The following LPA variants were observed in gnomAD, a reference collection of about 807,000 sequenced individuals.
LPA encodes the protein lipoprotein(a), also known as apolipoprotein(a).
LPA carries 199 observed loss-of-function variants against 197.9 expected under a neutral mutation model. That is an observed-to-expected ratio of 1.01 (90% CI 0.90 to 1.13). LPA has a LOEUF of 1.13. Among genes scored for constraint, LPA ranks in the 50% most tolerant of loss-of-function variants. The pLI, the probability that LPA is intolerant of heterozygous loss-of-function variation, is 0.00. For synonymous variants in LPA, 715 were observed against 639.5 expected (o/e 1.12, Z -1.78); for missense variants, 1,853 against 1,785.8 (o/e 1.04, Z -0.68).
At chr6:160,579,715 G>A (rs41272120) in intron 26 of LPA, among the ~76,000 whole-genome samples, 8 of 152,242 alleles carry the variant, frequency 5.3e-5, no homozygotes, top group Non-Finnish European at 1.2e-4. Flanking sequence ...AACTTGGAAC[G>A]TATTATGGAG....
chr6:160,543,243 A>C, intron 33 of LPA, among the ~76,000 whole-genome samples: 1 of 152,020 alleles, frequency 6.6e-6, no homozygotes, highest in Non-Finnish European at 1.5e-5. Context: ...ATGTGCCTCT[A>C]TTCTTCTTTT....
At chr6:160,646,692 T>A (rs1462871018) in intron 2 of LPA, among the ~76,000 whole-genome samples, 15 of 136,254 alleles carry the variant, frequency 1.1e-4, no homozygotes, top group Non-Finnish European at 3.1e-5. Context: ...CAGAGTATTC[T>A]CCTTCTGCCT....
At chr6:160,571,248 A>G (rs1055410746) in intron 28 of LPA, among the ~76,000 whole-genome samples, 1 of 152,236 alleles carries the variant, frequency 6.6e-6, no homozygotes, top group African/African-American at 2.4e-5. Flanking sequence ...TAAACTGCTT[A>G]CTGTAGTTAG....
At position 160,557,438 on chromosome 6, in the gene LPA, T is replaced by C; in HGVS notation, c.4765A>G (p.Thr1589Ala). The C allele has an allele frequency of 6.2e-7, 1 of 1,613,926 alleles. No individual in the cohort carries two copies. The highest frequency in any genetic ancestry group is 8.5e-7 in the Non-Finnish European group (1 of 1,179,990). Reference sequence around the variant, plus strand: ...CTTGGAACTGGAACAACAGTGGGAGTCTCTAGGACACCTGATTCTGTTTCT... The same window carrying C: ...CTTGGAACTGGAACAACAGTGGGAGCCTCTAGGACACCTGATTCTGTTTCT... ...CSETESGVLETPTVVPVPSME... is the reference protein window; with the variant it reads ...CSETESGVLEAPTVVPVPSME... The change falls in exon 29 of 39, where the codon ACT becomes GCT. Residue 1589 changes from threonine (T) to alanine (A), a missense_variant. Transcript: ENST00000316300.
Position 160,594,133 on chromosome 6 carries a change from G to A in LPA, c.3470-16C>T, listed in dbSNP as rs779233612. On this transcript the variant is annotated splice_polypyrimidine_tract_variant and intron_variant, in intron 21 of 38. Coordinates refer to ENST00000316300, the MANE Select transcript of LPA (RefSeq NM_005577.4). Reference sequence around the variant, plus strand: ...TCCGTTGGTGCTGAAATTCAAAGAGGAGAAATCAAGCTGAGTAATTTCTAG... The same window carrying A: ...TCCGTTGGTGCTGAAATTCAAAGAGAAGAAATCAAGCTGAGTAATTTCTAG... The A allele has an allele frequency of 2.7e-5, 44 of 1,613,544 alleles. No homozygotes were observed. The highest frequency in any genetic ancestry group is 3.6e-5 in the Non-Finnish European group (43 of 1,179,684).
At chr6:160,652,066 TG>T (rs928956510) in intron 1 of LPA, among the ~76,000 whole-genome samples, 1 of 139,820 alleles carries the variant, frequency 7.2e-6, no homozygotes, top group African/African-American at 2.6e-5. Context: ...GCAATATGAA[TG>T]ATCTAACATT....
chr6:160,572,838 T>C (rs1368675895), intron 28 of LPA, among the ~76,000 whole-genome samples: 1 of 152,218 alleles, frequency 6.6e-6, no homozygotes, highest in African/African-American at 2.4e-5. Context: ...GCTCTTAAGA[T>C]TCTTGCCTTC....
Position 160,590,954 on chromosome 6 carries a change from A to G in LPA, c.3777T>C (p.Val1259=), listed in dbSNP as rs1468741430. ...CCAGAGACTTCTTACCTTGTTCAGA[A>G]ACAGCCGTGGACGTCGCAAGGACAC... ...ESSVLATSTA[V]SEQAPTEQSP... The change falls in exon 23 of 39, where the codon GTT becomes GTC. Residue 1259 remains valine, a synonymous_variant. Coordinates refer to ENST00000316300, the MANE Select transcript of LPA (RefSeq NM_005577.4). The G allele has an allele frequency of 6.2e-7, 1 of 1,613,812 alleles. No homozygotes were observed. The highest frequency in any genetic ancestry group is 1.3e-5 in the African/African-American group (1 of 74,890).
intron 27 of LPA, 104 bp from the exon 28 acceptor site, chr6:160,577,399 C>A: frequency 9.1e-7 from 1 of 1,094,620 alleles, no homozygotes; most frequent in Non-Finnish European, 1.4e-6. Flanking sequence ...AAAATTATTA[C>A]TATTCTTTTT....
intron 16 of LPA, among the ~76,000 whole-genome samples, chr6:160,609,430 TC>T (rs1779432811): frequency 6.6e-6 from 1 of 152,162 alleles, no homozygotes; most frequent in Non-Finnish European, 1.5e-5. Flanking sequence ...AAGACACAGC[TC>T]TTTTTTCTCC....
intron 28 of LPA, among the ~76,000 whole-genome samples, chr6:160,560,519 G>C (rs1254722563): frequency 6.6e-6 from 1 of 152,252 alleles, no homozygotes; most frequent in Non-Finnish European, 1.5e-5. Flanking sequence ...TTGTGGTTTC[G>C]ATTTGCATTT....
At position 160,600,817 on chromosome 6, in the gene LPA, C is replaced by A. The variant is rs150065938; in HGVS notation, c.3127+100G>T. On this transcript the variant is annotated intron_variant, in intron 19 of 38. Coordinates refer to ENST00000316300, the MANE Select transcript of LPA (RefSeq NM_005577.4). ...ACATGGCAGACCCAGAACCAACACACGAGAACCAGTGTAGCACTGAAGGGT... is the reference window on the plus strand; with the variant it reads ...ACATGGCAGACCCAGAACCAACACAAGAGAACCAGTGTAGCACTGAAGGGT... 6.8e-5 allele frequency: 92 copies of A among 1,347,318 alleles called. No individual in the cohort carries two copies. The East Asian group carries it at 2.2e-3, about 32-fold the overall frequency. The allele number at this position is 1,347,318 out of a possible 1,614,324, so 83.5% of individuals were successfully genotyped here. A position where few individuals can be genotyped will look rare whatever the true frequency, so the allele number is the denominator to read the frequency against.
intron 30 of LPA, among the ~76,000 whole-genome samples, chr6:160,551,146 G>A (rs776545703): frequency 3.9e-5 from 6 of 152,300 alleles, no homozygotes; most frequent in Admixed American, 2.0e-4. Context: ...GTATCATTTT[G>A]CACTTTCACC....
At chr6:160,603,548 A>T (rs556137303) in intron 18 of LPA, among the ~76,000 whole-genome samples, 2 of 152,262 alleles carry the variant, frequency 1.3e-5, no homozygotes, top group South Asian at 2.1e-4. Context: ...AACTCAGTTG[A>T]CATATTGATA....
At chr6:160,563,146 G>C (rs1419632630) in intron 28 of LPA, among the ~76,000 whole-genome samples, 1 of 151,868 alleles carries the variant, frequency 6.6e-6, no homozygotes, top group Non-Finnish European at 1.5e-5. Context: ...CTGGTTCTTT[G>C]AATTGTGATG....
intron 2 of LPA, among the ~76,000 whole-genome samples, chr6:160,648,807 T>C (rs2115096844): frequency 6.6e-6 from 1 of 152,310 alleles, no homozygotes; most frequent in Admixed American, 6.5e-5. Context: ...GCATTCTATA[T>C]TCATGTTTTC....
intron 28 of LPA, among the ~76,000 whole-genome samples, chr6:160,572,142 C>T (rs1381438139): frequency 3.3e-5 from 5 of 152,232 alleles, no homozygotes. Flanking sequence ...TTCCCTGACC[C>T]CTTCCACTTC....
chr6:160,653,902 T>A (rs1780049328), intron 1 of LPA, among the ~76,000 whole-genome samples: 1 of 83,692 alleles, frequency 1.2e-5, no homozygotes, highest in Non-Finnish European at 2.4e-5. Context: ...TTAGTCAGGG[T>A]TCTCTAGAGG....
rs561444106 is a variant in LPA, at chr6:160,584,322, C to T, written c.4289+724G>A. Reference sequence around the variant, plus strand: ...TTCTTCTTCTTCCTCTTCTTCTTTTCTTCTTCTTCTTCTTTTTTTTTTTTT... The same window carrying T: ...TTCTTCTTCTTCCTCTTCTTCTTTTTTTCTTCTTCTTCTTTTTTTTTTTTT... On this transcript the variant is annotated intron_variant, in intron 26 of 38. Coordinates refer to ENST00000316300, the MANE Select transcript of LPA (RefSeq NM_005577.4). 5.2e-5 allele frequency among the ~76,000 whole-genome samples: 7 copies of T among 135,152 alleles called. No individual in the cohort carries two copies. In the South Asian group the frequency reaches 7.5e-4, roughly 14 times the overall value. The allele number at this position is 135,152 out of a possible 152,430, so 88.7% of individuals were successfully genotyped here. A position where few individuals can be genotyped will look rare whatever the true frequency, so the allele number is the denominator to read the frequency against.
Sources: allele counts gnomAD v4.1 joint callset (sites outside exome capture counted in the v4.1 genomes callset), GRCh38; gene constraint gnomAD v4.1.1; transcripts MANE v1.5; gene names NCBI Gene and HGNC (gene_info 2026-07-23, HGNC 2026-07-21).